Variants in SFPQ observed in about 807,000 individuals in gnomAD.
SFPQ encodes the protein splicing factor proline and glutamine rich.
SFPQ carries 11 observed loss-of-function variants against 72.9 expected under a neutral mutation model. The ratio of observed to expected loss-of-function variants is 0.15; its 90% CI spans 0.09 to 0.25. The LOEUF is 0.25. Among genes scored for constraint, SFPQ ranks in the 10% least tolerant of loss-of-function variants. SFPQ has a pLI of 1.00. For missense variants in SFPQ, 847 were observed against 993.3 expected, an observed-to-expected ratio of 0.85 and a Z score of 1.98; for synonymous variants, 506 against 367.3, an observed-to-expected ratio of 1.38 and a Z score of -4.32.
Position 35,192,387 on chromosome 1 carries a change from G to GCCGCCACCTGGCTTCGGC in SFPQ, c.645_662dup (p.Lys217_Pro222dup). On this transcript the variant is annotated inframe_insertion, in exon 1 of 10. Coordinates refer to ENST00000357214, the MANE Select transcript of SFPQ (RefSeq NM_005066.3). ...GGCCGCCAGGCGTACTTAGGCCCGG[G>GCCGCCACCTGGCTTCGGC]CCGCCACCTGGCTTCGGCCCGCCAG... is the stretch of plus-strand genomic sequence containing the variant. 7.1e-7 allele frequency: 1 copy of GCCGCCACCTGGCTTCGGC among 1,411,898 alleles called. No homozygotes were observed. The highest frequency in any genetic ancestry group is 9.2e-7 in the Non-Finnish European group (1 of 1,092,412). The allele number at this position is 1,411,898 out of a possible 1,614,324, so 87.5% of individuals were successfully genotyped here. A position where few individuals can be genotyped will look rare whatever the true frequency, so the allele number is the denominator to read the frequency against.
At position 35,190,740 on chromosome 1, in the gene SFPQ, T is replaced by C; in HGVS notation, c.1273A>G (p.Arg425Gly). 6.2e-7 allele frequency: 1 copy of C among 1,614,264 alleles called. No individual in the cohort carries two copies. Among genetic ancestry groups the C allele is most frequent in the Non-Finnish European group, 8.5e-7 (1 of 1,180,048 alleles). The change falls in exon 3 of 10, where the codon AGA becomes GGA. Residue 425 changes from arginine to glycine, a missense_variant. By Grantham distance (125) the Arg-to-Gly change is moderately radical. Coordinates refer to ENST00000357214, the MANE Select transcript of SFPQ (RefSeq NM_005066.3). ...IVEFASKPAA[R>G]KAFERCSEGV... The stretch of plus-strand genomic sequence containing the variant: ...TCACTGCATCGTTCAAATGCCTTTC[T>C]TGCTGCTGGCTTAGAAGCAAATTCA...
downstream of SFPQ, chr1:35,179,995 T>TCAG (rs879279361): frequency 2.7e-3 from 2,883 of 1,055,132 alleles, 3 homozygotes; most frequent in Admixed American, 4.0e-3. Flanking sequence ...TAGTCATCAT[T>TCAG]TGCTCTTTCA....
At chr1:35,189,128 C>A (rs1230869672) in intron 5 of SFPQ, 41 bp from the exon 6 acceptor site, 2 of 1,613,342 alleles carry the variant, frequency 1.2e-6, no homozygotes, top group South Asian at 2.2e-5. Context: ...TAACAAGGTT[C>A]TAATAAGGTG....
chr1:35,191,043 T>C lies in SFPQ; in HGVS notation c.1018-48A>G, dbSNP rs745705188. The C allele has an allele frequency of 3.6e-4, 537 of 1,501,124 alleles. 1 individual carries two copies. The highest frequency in any genetic ancestry group is 4.6e-4 in the Non-Finnish European group (502 of 1,093,158). 93.0% of individuals were successfully genotyped at this position (1,501,124 alleles called of 1,614,324 possible). On this transcript the variant is annotated intron_variant, in intron 2 of 9. Coordinates refer to ENST00000357214, the MANE Select transcript of SFPQ (RefSeq NM_005066.3). ...TTAATGACCTCAAAATTGGATGATG[T>C]CTACTCTTAAATTGTCATAGGCCTA...
In SFPQ at chr1:35,192,262, CCGCCGGGCG is replaced by C; in HGVS notation, c.779_787del (p.Pro260_Gly263delinsArg). On this transcript the variant is annotated inframe_deletion, in exon 1 of 10. Transcript: ENST00000357214. ...CTTCTCCTCGCTGCGGCCGCCGGGC[CCGCCGGGCG>C]GGGGCCCCTGGTGATGCTGCTGGTG... 2 of 1,463,882 alleles carry C rather than the reference CCGCCGGGCG, an allele frequency of 1.4e-6. No individual in the cohort carries two copies. The highest frequency in any genetic ancestry group is 1.8e-6 in the Non-Finnish European group (2 of 1,115,454). 90.7% of individuals were successfully genotyped at this position (1,463,882 alleles called of 1,614,324 possible).
chr1:35,193,077 A>G lies in SFPQ; in HGVS notation c.-28T>C, dbSNP rs1482711759. The G allele has an allele frequency of 2.6e-6, 4 of 1,523,282 alleles. No homozygotes were observed. The African/African-American group carries it at 5.8e-5, about 22-fold the overall frequency. 94.4% of individuals were successfully genotyped at this position (1,523,282 alleles called of 1,614,324 possible). A position where few individuals can be genotyped will look rare whatever the true frequency, so the allele number is the denominator to read the frequency against. On this transcript the variant is annotated 5_prime_UTR_variant, in exon 1 of 10. Transcript: ENST00000357214. ...CTGTGGTCAAGGGGCGGTCGAGGCA[A>G]AAGCGAAGAAGACGCTCAGGAAACG...
At chr1:35,188,386 A>G (rs2148619950) in intron 6 of SFPQ, among the ~76,000 whole-genome samples, 1 of 152,352 alleles carries the variant, frequency 6.6e-6, no homozygotes, top group East Asian at 1.9e-4. Flanking sequence ...ATGTCAGAAT[A>G]TAAATGTTAG....
At chr1:35,176,927 A>C (rs895367108) in intron 5 of SFPQ, among the ~76,000 whole-genome samples, 3 of 151,922 alleles carry the variant, frequency 2.0e-5, no homozygotes, top group Non-Finnish European at 4.4e-5. Context: ...ATTAATTGTA[A>C]TTAACAGGCA....
intron 1 of SFPQ, among the ~76,000 whole-genome samples, chr1:35,191,746 A>T (rs1330336522): frequency 6.7e-6 from 1 of 149,954 alleles, no homozygotes; most frequent in Non-Finnish European, 1.5e-5. Context: ...ACACTTCCCC[A>T]AAGAGTAGAC....
downstream of SFPQ, chr1:35,179,573 T>C: frequency 1.9e-6 from 2 of 1,053,138 alleles, no homozygotes; most frequent in African/African-American, 3.3e-5. Context: ...TTTGAGTTTT[T>C]TAAAAAAACC....
chr1:35,180,268 T>A, downstream of SFPQ: 1 of 1,050,648 alleles, frequency 9.5e-7, no homozygotes, highest in Non-Finnish European at 1.1e-6. Context: ...AAGTGAGGTC[T>A]GGAACAACAG....
In SFPQ at chr1:35,183,378, C is replaced by A; in HGVS notation, c.*1078G>T. ...GATTACAGGCGCCTGCCACCACGCC[C>A]AGCTAATTTTTTGTATTTTTAGTAG... On this transcript the variant is annotated 3_prime_UTR_variant, in exon 10 of 10. Coordinates refer to ENST00000357214, the MANE Select transcript of SFPQ (RefSeq NM_005066.3). 1 of 283,094 alleles carries A rather than the reference C, an allele frequency of 3.5e-6. No individual in the cohort carries two copies. The highest frequency in any genetic ancestry group is 5.5e-6 in the Non-Finnish European group (1 of 182,476). The allele number at this position is 283,094 out of a possible 1,614,324, so 17.5% of individuals were successfully genotyped here.
At chr1:35,181,147 G>A (rs1639450200), downstream of SFPQ, 5 of 1,065,070 alleles carry the variant, frequency 4.7e-6, no homozygotes, top group Non-Finnish European at 5.7e-6. Context: ...GTATGCAGTC[G>A]GCAATGAGAA....
At chr1:35,185,214 G>T (rs1000112358) in intron 9 of SFPQ, among the ~76,000 whole-genome samples, 13 of 152,156 alleles carry the variant, frequency 8.5e-5, no homozygotes, top group African/African-American at 1.4e-4. Context: ...ACAGTAACTT[G>T]ATCAAAAAAA....
chr1:35,185,057 T>C (rs2148613596), intron 9 of SFPQ, among the ~76,000 whole-genome samples: 1 of 152,354 alleles, frequency 6.6e-6, no homozygotes, highest in African/African-American at 2.4e-5. Flanking sequence ...TAGTGGCATG[T>C]GCTGCTTAAG....
downstream of SFPQ, chr1:35,181,379 G>T (rs1025983991): frequency 1.9e-6 from 2 of 1,064,392 alleles, no homozygotes; most frequent in Non-Finnish European, 1.1e-6. Context: ...ATTTTAATCT[G>T]CCATAATATG....
chr1:35,191,940 G>A (rs1570140855), intron 1 of SFPQ, among the ~76,000 whole-genome samples: 2 of 152,198 alleles, frequency 1.3e-5, no homozygotes, highest in East Asian at 3.9e-4. Context: ...CATTACGCCA[G>A]TCCCAGGGAC....
Position 35,190,949 on chromosome 1 carries a change from G to C in SFPQ, c.1064C>G (p.Thr355Arg), listed in dbSNP as rs1230706805. The change falls in exon 3 of 10, where the codon ACA (threonine) becomes AGA (arginine). Residue 355 changes from threonine (T) to arginine (R), a missense_variant. Transcript: ENST00000357214. The part of the protein sequence containing the change: ...AEIAKAELDD[T>R]PMRGRQLRVR... ...TCGAAGCTGTCTACCTCTCATGGGT[G>C]TATCATCCAGTTCGGCTTTGGCAAT... The C allele has an allele frequency of 6.2e-7, 1 of 1,614,114 alleles. No homozygotes were observed. The highest frequency in any genetic ancestry group is 8.5e-7 in the Non-Finnish European group (1 of 1,180,014).
At chr1:35,191,734 A>G (rs1389931721) in intron 1 of SFPQ, among the ~76,000 whole-genome samples, 1 of 151,814 alleles carries the variant, frequency 6.6e-6, no homozygotes, top group African/African-American at 2.4e-5. Flanking sequence ...TCGAGAATAG[A>G]CACACTTCCC....
Sources: gnomAD v4.1 joint callset for allele counts (sites outside exome capture counted in the v4.1 genomes callset) on GRCh38, gnomAD v4.1.1 for gene constraint, MANE v1.5 for transcripts, NCBI Gene and HGNC (gene_info 2026-07-23, HGNC 2026-07-21) for gene names.